Variants in CTNNA2 observed in about 807,000 individuals in gnomAD.
CTNNA2 encodes catenin alpha-2.
Under a neutral mutation model 101.0 loss-of-function variants are expected in CTNNA2, and 42 were observed. That is an observed-to-expected ratio of 0.42 (90% CI 0.32 to 0.54). CTNNA2 has a LOEUF of 0.54. Among genes scored for constraint, CTNNA2 ranks in the 20% least tolerant of loss-of-function variants. The pLI, the probability that CTNNA2 is intolerant of heterozygous loss-of-function variation, is 0.14. For synonymous variants in CTNNA2, 450 were observed against 456.4 expected (o/e 0.99, Z 0.18); for missense variants, 871 against 1,223.1 (o/e 0.71, Z 4.29).
intron 1 of CTNNA2, among the ~76,000 whole-genome samples, chr2:79,542,299 CTA>C (rs1348520935): frequency 1.3e-5 from 2 of 152,082 alleles, no homozygotes; most frequent in Non-Finnish European, 2.9e-5. Flanking sequence ...ACAAAATGCA[CTA>C]TGTTATCTGA....
chr2:79,606,948 G>C (rs1408407245), intron 1 of CTNNA2, among the ~76,000 whole-genome samples: 1 of 152,122 alleles, frequency 6.6e-6, no homozygotes, highest in Non-Finnish European at 1.5e-5. Context: ...TCATGTCAAC[G>C]ATTACATTGA....
intron 2 of CTNNA2, among the ~76,000 whole-genome samples, chr2:79,210,270 A>G (rs1674154966): frequency 6.6e-6 from 1 of 152,208 alleles, no homozygotes; most frequent in Non-Finnish European, 1.5e-5. Context: ...TCTTAAAAAG[A>G]CAAGGATTTG....
chr2:79,528,197 TTTTTCTTTTC>T (rs71385277), intron 1 of CTNNA2, among the ~76,000 whole-genome samples: 1 of 149,618 alleles, frequency 6.7e-6, no homozygotes, highest in African/African-American at 2.5e-5. Flanking sequence ...ACACGTTCTC[TTTTTCTTTTC>T]TTTTCTTTTT....
At chr2:80,292,262 A>G (rs141869043) in intron 7 of CTNNA2, among the ~76,000 whole-genome samples, 96 of 152,314 alleles carry the variant, frequency 6.3e-4, no homozygotes, top group African/African-American at 2.0e-3. Flanking sequence ...AATGGGCTTA[A>G]TTCTTATAAC....
At chr2:79,866,766 C>T (rs1446409670) in intron 4 of CTNNA2, among the ~76,000 whole-genome samples, 1 of 152,196 alleles carries the variant, frequency 6.6e-6, no homozygotes, top group Non-Finnish European at 1.5e-5. Flanking sequence ...TCTTGCCATA[C>T]ATTTTGCTAA....
intron 7 of CTNNA2, among the ~76,000 whole-genome samples, chr2:80,278,988 A>G (rs1674141823): frequency 6.7e-6 from 1 of 148,554 alleles, no homozygotes; most frequent in African/African-American, 2.5e-5. Context: ...GCCAGTGGAG[A>G]ATGGATTATT....
chr2:79,983,605 A>C (rs1257537312), intron 7 of CTNNA2, among the ~76,000 whole-genome samples: 1 of 152,170 alleles, frequency 6.6e-6, no homozygotes, highest in Admixed American at 6.5e-5. Flanking sequence ...GAGTCTTCAA[A>C]GAATAGAGGC....
intron 1 of CTNNA2, among the ~76,000 whole-genome samples, chr2:79,603,205 G>A (rs1316344676): frequency 2.0e-5 from 3 of 152,002 alleles, no homozygotes; most frequent in Non-Finnish European, 2.9e-5. Context: ...CTGTCCTTAA[G>A]AAAAAAGATG....
intron 2 of CTNNA2, among the ~76,000 whole-genome samples, chr2:79,708,029 AT>A (rs1293319896): frequency 6.6e-6 from 1 of 152,230 alleles, no homozygotes; most frequent in Non-Finnish European, 1.5e-5. Context: ...AAATTATTAA[AT>A]TATAGACCTT....
At chr2:80,186,283 A>G (rs1706123060) in intron 7 of CTNNA2, among the ~76,000 whole-genome samples, 1 of 152,218 alleles carries the variant, frequency 6.6e-6, no homozygotes, top group Admixed American at 6.5e-5. Flanking sequence ...AAAAATGAAC[A>G]ATAAATTGCA....
chr2:79,719,418 A>G lies in CTNNA2; in HGVS notation c.103-24969A>G, dbSNP rs114933569. Among the ~76,000 whole-genome samples the G allele has an allele frequency of 6.8e-3, 1,039 of 152,160 alleles. 5 individuals are homozygous for G. The highest frequency in any genetic ancestry group is 0.012 in the Non-Finnish European group (816 of 67,942). ...TGGTACAATGATTTATTTTCCTTTC[A>G]GTATATAACCAGTAATGGGGTTGCT... On this transcript the variant is annotated intron_variant, in intron 2 of 18. Transcript: ENST00000402739.
At chr2:79,989,325 A>G (rs1250499666) in intron 7 of CTNNA2, among the ~76,000 whole-genome samples, 2 of 152,188 alleles carry the variant, frequency 1.3e-5, no homozygotes, top group East Asian at 1.9e-4. Context: ...GGAAACCACT[A>G]CAAATTGGAG....
intron 9 of CTNNA2, among the ~76,000 whole-genome samples, chr2:80,490,285 C>CCA (rs1553535562): frequency 1.6e-4 from 13 of 83,198 alleles, no homozygotes; most frequent in African/African-American, 5.2e-4. Context: ...CCCCCACCCC[C>CCA]CCCCCGGTAA....
At chr2:79,335,251 T>A (rs968331653) in intron 3 of CTNNA2, among the ~76,000 whole-genome samples, 2 of 152,128 alleles carry the variant, frequency 1.3e-5, no homozygotes, top group Non-Finnish European at 2.9e-5. Context: ...ACTCTCCCTA[T>A]ATGCATAAGT....
At chr2:79,522,482 T>C (rs1672170680) in intron 1 of CTNNA2, among the ~76,000 whole-genome samples, 1 of 152,216 alleles carries the variant, frequency 6.6e-6, no homozygotes, top group Non-Finnish European at 1.5e-5. Flanking sequence ...GAGTGTGTCC[T>C]GCAGTGTGGT....
chr2:79,351,263 G>A (rs1677380907), intron 3 of CTNNA2, among the ~76,000 whole-genome samples: 1 of 151,986 alleles, frequency 6.6e-6, no homozygotes, highest in Non-Finnish European at 1.5e-5. Flanking sequence ...TATAATCTGA[G>A]GTCTTACATT....
chr2:80,240,470 CCTT>C (rs1303215073), intron 7 of CTNNA2, among the ~76,000 whole-genome samples: 1 of 152,194 alleles, frequency 6.6e-6, no homozygotes, highest in Admixed American at 6.5e-5. Context: ...TAGTCCCACT[CCTT>C]CTCACCAGAT....
intron 2 of CTNNA2, among the ~76,000 whole-genome samples, chr2:79,295,432 G>T (rs939222429): frequency 2.0e-5 from 3 of 152,084 alleles, no homozygotes; most frequent in Admixed American, 6.6e-5. Flanking sequence ...GAGAAAGAGT[G>T]CCAATTATTT....
At position 80,324,420 on chromosome 2, in the gene CTNNA2, A is replaced by G. The variant is rs527828876; in HGVS notation, c.1057-68791A>G. Among the ~76,000 whole-genome samples, 92 of 152,140 alleles carry G rather than the reference A, an allele frequency of 6.0e-4. 2 individuals carry two copies. The highest frequency in any genetic ancestry group is 4.4e-5 in the Non-Finnish European group (3 of 67,996). On this transcript the variant is annotated intron_variant, in intron 7 of 18. Coordinates refer to ENST00000402739, the MANE Select transcript of CTNNA2 (RefSeq NM_001282597.3). ...TTTGAGGTCGAGGGCTGCAATCATC[A>G]TGACCTCTGATCGTCTCGGGGTTAA...
Sources: gnomAD v4.1 joint callset for allele counts (sites outside exome capture counted in the v4.1 genomes callset) on GRCh38, gnomAD v4.1.1 for gene constraint, MANE v1.5 for transcripts, NCBI Gene and HGNC (gene_info 2026-07-23, HGNC 2026-07-21) for gene names.